Variants in PCDH15 observed in about 807,000 individuals in gnomAD.
PCDH15 encodes the protein protocadherin-15.
Under a neutral mutation model 178.5 loss-of-function variants are expected in PCDH15, and 129 were observed. The ratio of observed to expected loss-of-function variants is 0.72; its 90% CI spans 0.63 to 0.84. The LOEUF is 0.84. PCDH15 is among the 40% of genes least tolerant of loss of function. The pLI is 0.00. For synonymous variants in PCDH15, 800 were observed against 732.0 expected, an observed-to-expected ratio of 1.09 and a Z score of -1.50; for missense variants, 2,230 against 2,099.9, an observed-to-expected ratio of 1.06 and a Z score of -1.21.
At chr10:54,230,795 T>C (rs1229158704) in intron 9 of PCDH15, among the ~76,000 whole-genome samples, 1 of 152,164 alleles carries the variant, frequency 6.6e-6, no homozygotes, top group African/African-American at 2.4e-5. Context: ...AGCAATATTA[T>C]ATTTATGTTT....
intron 2 of PCDH15, among the ~76,000 whole-genome samples, chr10:54,547,149 A>G (rs1203976954): frequency 6.6e-6 from 1 of 152,130 alleles, no homozygotes; most frequent in Non-Finnish European, 1.5e-5. Context: ...GCACGGTGAG[A>G]TATGTTCCAC....
intron 2 of PCDH15, among the ~76,000 whole-genome samples, chr10:55,061,394 G>T (rs1281068696): frequency 6.6e-6 from 1 of 152,112 alleles, no homozygotes; most frequent in Non-Finnish European, 1.5e-5. Flanking sequence ...TCAAAACCCA[G>T]AACATTGATT....
intron 8 of PCDH15, among the ~76,000 whole-genome samples, chr10:54,271,668 TA>T (rs2058056148): frequency 6.6e-6 from 1 of 152,104 alleles, no homozygotes; most frequent in Non-Finnish European, 1.5e-5. Context: ...ATTTACCCAA[TA>T]GAGGAAGTAT....
chr10:55,572,713 A>G (rs1026993937), intron 2 of PCDH15, among the ~76,000 whole-genome samples: 4 of 152,054 alleles, frequency 2.6e-5, no homozygotes, highest in Non-Finnish European at 5.9e-5. Context: ...TTCAGATGCT[A>G]TGAGAAAACA....
chr10:54,793,681 CAT>C (rs993933665), intron 1 of PCDH15, among the ~76,000 whole-genome samples: 1 of 147,858 alleles, frequency 6.8e-6, no homozygotes, highest in East Asian at 2.0e-4. Context: ...TATATACACA[CAT>C]ATATATACAT....
chr10:54,830,194 G>C (rs1450283993), intron 3 of PCDH15, among the ~76,000 whole-genome samples: 1 of 152,098 alleles, frequency 6.6e-6, no homozygotes, highest in Non-Finnish European at 1.5e-5. Flanking sequence ...CAGGGATCTA[G>C]AACTAGAAAT....
chr10:55,484,646 T>C lies in PCDH15; in HGVS notation c.-156+142979A>G, dbSNP rs150882410. Among the ~76,000 whole-genome samples, 1,023 of 151,664 alleles carry C rather than the reference T, an allele frequency of 6.7e-3. 14 individuals are homozygous for C. Among genetic ancestry groups the C allele is most frequent in the African/African-American group, 0.024 (981 of 41,448 alleles). Reference sequence around the variant, plus strand: ...AACTACCTGACTTCAAGAAACACTATATAGTCATAATAAACAAGACAGCAA... The same window carrying C: ...AACTACCTGACTTCAAGAAACACTACATAGTCATAATAAACAAGACAGCAA... On this transcript the variant is annotated intron_variant, in intron 2 of 5. Coordinates refer to the PCDH15 transcript ENST00000613346.
In PCDH15 at chr10:54,307,104, GTATATATATATATATATA is replaced by G. The variant is rs1170885233; in HGVS notation, c.876+10149_876+10166del. On this transcript the variant is annotated intron_variant, in intron 8 of 37. Transcript: ENST00000644397. Reference sequence around the variant, plus strand: ...TACATATATATATATGTGTGTGTGTGTATATATATATATATATATATATATATATATATATATATATAT... The same window carrying G: ...TACATATATATATATGTGTGTGTGTGTATATATATATATATATATATATAT... 1.0e-3 allele frequency among the ~76,000 whole-genome samples: 27 copies of G among 26,562 alleles called. 1 individual carries two copies. The highest frequency in any genetic ancestry group is 7.4e-3 in the East Asian group (5 of 680). 17.4% of individuals were successfully genotyped at this position (26,562 alleles called of 152,430 possible).
rs527513956 is a variant in PCDH15 at position 54,436,761 on chromosome 10, A to G, written c.158-57819T>C. ...ATTTATTAAGTACCTACTAAAGTCT[A>G]GAAACTTTGTTACACATACCACATA... On this transcript the variant is annotated intron_variant, in intron 3 of 37. Transcript: ENST00000644397. Among the ~76,000 whole-genome samples, 64 of 152,196 alleles carry G rather than the reference A, an allele frequency of 4.2e-4. 1 individual carries two copies. The Middle Eastern group carries it at 0.017, about 40-fold the overall frequency.
At chr10:55,019,037 TC>T (rs1378606146) in intron 2 of PCDH15, among the ~76,000 whole-genome samples, 13 of 152,258 alleles carry the variant, frequency 8.5e-5, no homozygotes, top group African/African-American at 2.6e-4. Flanking sequence ...TTAATTGTAT[TC>T]AAAACTATCT....
chr10:54,486,246 A>AT (rs1310973574), intron 3 of PCDH15: 1 of 152,050 alleles, frequency 6.6e-6, no homozygotes, highest in African/African-American at 2.4e-5. Flanking sequence ...AACTGGAAGC[A>AT]TTGCCCAGAG....
At chr10:55,362,993 A>G (rs376970560) in intron 2 of PCDH15, among the ~76,000 whole-genome samples, 1 of 152,170 alleles carries the variant, frequency 6.6e-6, no homozygotes, top group African/African-American at 2.4e-5. Flanking sequence ...ATGTTTTAAG[A>G]AAGTTTACAA....
chr10:54,290,244 C>T (rs899956821), intron 8 of PCDH15, among the ~76,000 whole-genome samples: 1 of 152,152 alleles, frequency 6.6e-6, no homozygotes, highest in African/African-American at 2.4e-5. Flanking sequence ...CAATATTCAA[C>T]GTTCTTAAAG....
At chr10:55,617,880 T>C (rs1377489087) in intron 2 of PCDH15, among the ~76,000 whole-genome samples, 6 of 151,998 alleles carry the variant, frequency 3.9e-5, no homozygotes. Flanking sequence ...TTTCAGTTAA[T>C]TTTACTCTAA....
chr10:54,559,475 G>A (rs981479909), intron 2 of PCDH15, among the ~76,000 whole-genome samples: 1 of 151,934 alleles, frequency 6.6e-6, no homozygotes, highest in African/African-American at 2.4e-5. Flanking sequence ...CAAGCCATAG[G>A]TCTGAAAATG....
chr10:54,963,975 G>C (rs1838718545), intron 2 of PCDH15, among the ~76,000 whole-genome samples: 1 of 152,106 alleles, frequency 6.6e-6, no homozygotes, highest in Non-Finnish European at 1.5e-5. Flanking sequence ...AACTAGGGAA[G>C]GAATGTAACT....
chr10:54,354,063 G>A (rs191711704), intron 5 of PCDH15, among the ~76,000 whole-genome samples: 1 of 152,070 alleles, frequency 6.6e-6, no homozygotes, highest in South Asian at 2.1e-4. Context: ...TCGGCTCACC[G>A]CAACCTCCAC....
chr10:54,621,509 T>G (rs1263668939), intron 2 of PCDH15, among the ~76,000 whole-genome samples: 1 of 152,026 alleles, frequency 6.6e-6, no homozygotes, highest in Admixed American at 6.6e-5. Context: ...ATCAGATGTT[T>G]TAAGCAGATA....
rs375690737 is a variant in PCDH15, at chr10:55,455,971, T to G, written c.-156+171654A>C. Among the ~76,000 whole-genome samples the G allele has an allele frequency of 3.5e-4, 54 of 152,198 alleles. No individual in the cohort carries two copies. In the East Asian group the frequency reaches 5.2e-3, roughly 15 times the overall value. On this transcript the variant is annotated intron_variant, in intron 2 of 5. Transcript: ENST00000613346. ...ACTACAACCTTACTTAGTATATACA[T>G]AAACGAACTAAATCTTGATTTAGTA... is the stretch of plus-strand genomic sequence containing the variant.
Sources: gnomAD v4.1 joint callset for allele counts (sites outside exome capture counted in the v4.1 genomes callset) on GRCh38, gnomAD v4.1.1 for gene constraint, MANE v1.5 for transcripts, NCBI Gene and HGNC (gene_info 2026-07-23, HGNC 2026-07-21) for gene names.